The following RARS2 variants were observed in gnomAD, a reference collection of about 807,000 sequenced individuals.
RARS2 encodes probable arginine--tRNA ligase, mitochondrial.
Under a neutral mutation model 88.5 loss-of-function variants are expected in RARS2, and 67 were observed. The observed-to-expected ratio is 0.76, with a 90% CI of 0.62 to 0.93. RARS2 has a LOEUF of 0.93. Ranked by LOEUF, RARS2 falls within the 40% of genes least tolerant of loss-of-function variation. RARS2 has a pLI of 0.00. For synonymous variants in RARS2, 239 were observed against 230.3 expected (o/e 1.04, Z -0.34); for missense variants, 664 against 684.2 (o/e 0.97, Z 0.33).
chr6:87,547,650 CT>C (rs71018034), intron 6 of RARS2, among the ~76,000 whole-genome samples: 61 of 145,964 alleles, frequency 4.2e-4, no homozygotes, highest in Admixed American at 5.5e-4. Flanking sequence ...TTTTTCTTTT[CT>C]TTTTTTTTTT....
chr6:87,553,029 A>G (rs527524761), intron 5 of RARS2, among the ~76,000 whole-genome samples: 2 of 152,260 alleles, frequency 1.3e-5, no homozygotes, highest in South Asian at 2.1e-4. Flanking sequence ...TGCTTCTCTC[A>G]CCATTAAGAG....
chr6:87,562,595 G>A, intron 4 of RARS2, 107 bp downstream of exon 4: 2 of 807,006 alleles, frequency 2.5e-6, no homozygotes, highest in East Asian at 5.2e-5. Context: ...ATGTGCAAAG[G>A]TTTTGAGGCC....
chr6:87,547,733 G>C (rs6905480), intron 6 of RARS2, among the ~76,000 whole-genome samples: 1 of 151,374 alleles, frequency 6.6e-6, no homozygotes, highest in Admixed American at 6.6e-5. Context: ...TCTGCCTCCC[G>C]GGTTCAAGCG....
chr6:87,579,888 G>T (rs1190179223), intron 1 of RARS2, among the ~76,000 whole-genome samples: 1 of 151,748 alleles, frequency 6.6e-6, no homozygotes, highest in Admixed American at 6.6e-5. Context: ...TGGGATTACA[G>T]GCACCCACTA....
At chr6:87,533,221 G>GA (rs1466481287) in intron 8 of RARS2, among the ~76,000 whole-genome samples, 3 of 151,368 alleles carry the variant, frequency 2.0e-5, no homozygotes, top group Middle Eastern at 3.4e-3. Flanking sequence ...GACTATTTTA[G>GA]AAAAAACTTC....
At chr6:87,582,411 G>C (rs930680272) in intron 1 of RARS2, among the ~76,000 whole-genome samples, 2 of 152,140 alleles carry the variant, frequency 1.3e-5, no homozygotes, top group Non-Finnish European at 1.5e-5. Context: ...CTTCTTCTGA[G>C]AAGTGTCTGT....
intron 5 of RARS2, among the ~76,000 whole-genome samples, chr6:87,554,946 C>CA (rs1416013911): frequency 2.3e-3 from 342 of 151,016 alleles, no homozygotes; most frequent in Middle Eastern, 0.01. Flanking sequence ...ACTAAAAATC[C>CA]AAAAAAAATT....
At chr6:87,520,953 T>C (rs1773634171) in intron 12 of RARS2, among the ~76,000 whole-genome samples, 3 of 152,190 alleles carry the variant, frequency 2.0e-5, no homozygotes. Context: ...ATACATGTGA[T>C]AAAGTCTCAT....
At chr6:87,552,432 C>T (rs1054039350) in intron 5 of RARS2, among the ~76,000 whole-genome samples, 1 of 152,120 alleles carries the variant, frequency 6.6e-6, no homozygotes, top group African/African-American at 2.4e-5. Flanking sequence ...TGTGAACTGT[C>T]AGAGGCAAAG....
At chr6:87,568,995 T>C (rs1768805799) in intron 2 of RARS2, among the ~76,000 whole-genome samples, 1 of 152,152 alleles carries the variant, frequency 6.6e-6, no homozygotes, top group Non-Finnish European at 1.5e-5. Context: ...AAGAGATACC[T>C]CTCTGTAACT....
chr6:87,560,179 C>T (rs754916474), intron 4 of RARS2, among the ~76,000 whole-genome samples: 7 of 152,190 alleles, frequency 4.6e-5, no homozygotes, highest in Non-Finnish European at 7.3e-5. Flanking sequence ...AACATTTAAT[C>T]AAGTCTGTTT....
At chr6:87,572,081 C>G (rs1425712280) in intron 1 of RARS2, among the ~76,000 whole-genome samples, 2 of 133,514 alleles carry the variant, frequency 1.5e-5, no homozygotes, top group Non-Finnish European at 1.6e-5. Context: ...AATAAAGGTT[C>G]TATCGTAATT....
Position 87,522,898 on chromosome 6 carries a change from C to G in RARS2, c.975-1374G>C, listed in dbSNP as rs576513624. 7.2e-5 allele frequency among the ~76,000 whole-genome samples: 11 copies of G among 152,316 alleles called. No homozygotes were observed. In the East Asian group the frequency reaches 2.1e-3, roughly 29 times the overall value. The stretch of plus-strand genomic sequence containing the variant: ...GTTCTAAGATTACAGGCGTGAGCCA[C>G]TACAGCTGGCCAACAAAAAATCTTA... On this transcript the variant is annotated intron_variant, in intron 11 of 19. Coordinates refer to ENST00000369536, the MANE Select transcript of RARS2 (RefSeq NM_020320.5).
At chr6:87,555,550 C>CT in intron 4 of RARS2, 45 bp from the exon 5 acceptor site, 1 of 1,367,930 alleles carries the variant, frequency 7.3e-7, no homozygotes, top group East Asian at 2.3e-5. Flanking sequence ...AATTACAATG[C>CT]TTTTAATTAC....
intron 5 of RARS2, among the ~76,000 whole-genome samples, chr6:87,552,495 T>A (rs573860653): frequency 1.3e-5 from 2 of 152,304 alleles, no homozygotes; most frequent in Non-Finnish European, 2.9e-5. Flanking sequence ...CAGACACTCA[T>A]TTAAATTCCA....
chr6:87,555,490 CTTG>C lies in RARS2; in HGVS notation c.310_312del (p.Gln104del), dbSNP rs1582645634. On this transcript the variant is annotated inframe_deletion, in exon 5 of 20. Coordinates refer to ENST00000369536, the MANE Select transcript of RARS2 (RefSeq NM_020320.5). ...CCATATTTTGAGCCATCTTCAATTA[CTTG>C]TTGTAGCACTGTCTGAAAATTAAAG... 3.1e-6 allele frequency: 5 copies of C among 1,612,360 alleles called. No individual in the cohort carries two copies. The highest frequency in any genetic ancestry group is 1.3e-5 in the African/African-American group (1 of 74,848).
At chr6:87,557,054 GA>G (rs145785860) in intron 4 of RARS2, among the ~76,000 whole-genome samples, 6,320 of 152,202 alleles carry the variant, frequency 0.042, 178 homozygotes, top group Non-Finnish European at 0.059. Context: ...GCAGAGAAGG[GA>G]GCAGCAGCCA....
At chr6:87,578,529 C>T (rs1772336403) in intron 1 of RARS2, among the ~76,000 whole-genome samples, 1 of 152,134 alleles carries the variant, frequency 6.6e-6, no homozygotes, top group African/African-American at 2.4e-5. Context: ...TTAAGGAATT[C>T]CTGTTGAATG....
At chr6:87,532,041 T>C (rs1777686840) in intron 8 of RARS2, among the ~76,000 whole-genome samples, 1 of 152,098 alleles carries the variant, frequency 6.6e-6, no homozygotes, top group African/African-American at 2.4e-5. Context: ...GAAAAAATGA[T>C]TTTATTGCTG....
Sources: gnomAD v4.1 joint callset for allele counts (sites outside exome capture counted in the v4.1 genomes callset) on GRCh38, gnomAD v4.1.1 for gene constraint, MANE v1.5 for transcripts, NCBI Gene and HGNC (gene_info 2026-07-23, HGNC 2026-07-21) for gene names.